OR52N2: variants seen among roughly 807,000 people sequenced by gnomAD.
OR52N2 encodes the protein olfactory receptor 52N2.
For synonymous variants in OR52N2, 129 were observed against 72.0 expected, an observed-to-expected ratio of 1.79 and a Z score of -4.01; for missense variants, 326 against 196.6, an observed-to-expected ratio of 1.66 and a Z score of -3.94.
At position 5,814,452 on chromosome 11, in the gene OR52N2, TA is replaced by T. The variant is rs1846386855; in HGVS notation, c.-55+5399del. 2.0e-5 allele frequency among the ~76,000 whole-genome samples: 3 copies of T among 152,140 alleles called. No homozygotes were observed. In the South Asian group the frequency reaches 6.2e-4, roughly 31 times the overall value. ...CAAAATACATAATAAAATTATATTT[TA>T]TTTTTAATTCCATTGTAAATTAAAT... On this transcript the variant is annotated intron_variant, in intron 1 of 1. Coordinates refer to ENST00000317037, the MANE Select transcript of OR52N2 (RefSeq NM_001005174.3).
chr11:5,812,122 A>T (rs1846366516), intron 1 of OR52N2, among the ~76,000 whole-genome samples: 1 of 152,078 alleles, frequency 6.6e-6, no homozygotes, highest in Non-Finnish European at 1.5e-5. Flanking sequence ...CAATAGGTAC[A>T]GCAAACCACC....
intron 1 of OR52N2, among the ~76,000 whole-genome samples, chr11:5,815,725 G>A (rs764995992): frequency 1.1e-4 from 17 of 152,030 alleles, no homozygotes; most frequent in African/African-American, 3.9e-4. Context: ...TCACTATTGC[G>A]TGAGATCCCC....
chr11:5,820,824 C>G lies in OR52N2; in HGVS notation c.489C>G (p.Leu163=), dbSNP rs770536648. 1.3e-6 allele frequency: 1 copy of G among 778,930 alleles called. No homozygotes were observed. Among genetic ancestry groups the G allele is most frequent in the Non-Finnish European group, 2.4e-6 (1 of 417,130 alleles). The allele number at this position is 778,930 out of a possible 1,614,324, so 48.3% of individuals were successfully genotyped here. A position where few individuals can be genotyped will look rare whatever the true frequency, so the allele number is the denominator to read the frequency against. The change falls in exon 2 of 2, where the codon CTC becomes CTG. Residue 163 remains leucine (L), a synonymous_variant. Coordinates refer to ENST00000317037, the MANE Select transcript of OR52N2 (RefSeq NM_001005174.3). ...TGATGCTCATCATCCCATTCACTCT[C>G]CTCACCAAGCGCCTGCCCTATTGCC... ...RNVMLIIPFT[L]LTKRLPYCRG... is the part of the protein sequence containing the mutation.
At chr11:5,817,311 G>T (rs1269880070) in intron 1 of OR52N2, among the ~76,000 whole-genome samples, 13 of 151,568 alleles carry the variant, frequency 8.6e-5, no homozygotes, top group Admixed American at 8.5e-4. Context: ...AGGAAGAAAG[G>T]TCAAAATATA....
At position 5,821,099 on chromosome 11, in the gene OR52N2, TTGC is replaced by T. The variant is rs1846449111; in HGVS notation, c.769_771del (p.Ala257del). The T allele has an allele frequency of 1.3e-6, 1 of 780,980 alleles. No individual in the cohort carries two copies. The highest frequency in any genetic ancestry group is 1.7e-5 in the African/African-American group (1 of 59,222). 48.4% of individuals were successfully genotyped at this position (780,980 alleles called of 1,614,324 possible). On this transcript the variant is annotated inframe_deletion, in exon 2 of 2. Transcript: ENST00000317037. ...ATGTGTTCCATTGTGATCACCTATG[TTGC>T]TGCTTTTTTCACTTTTTTCACTCAT...
At chr11:5,814,144 A>G (rs1437649661) in intron 1 of OR52N2, among the ~76,000 whole-genome samples, 1 of 152,156 alleles carries the variant, frequency 6.6e-6, no homozygotes, top group Non-Finnish European at 1.5e-5. Flanking sequence ...CATAGTACTG[A>G]AAGTCCTAGC....
chr11:5,820,856 A>C lies in OR52N2; in HGVS notation c.521A>C (p.Asn174Thr). 1 of 780,930 alleles carries C rather than the reference A, an allele frequency of 1.3e-6. No individual in the cohort carries two copies. Among genetic ancestry groups the C allele is most frequent in the South Asian group, 1.3e-5 (1 of 74,598 alleles). The allele number at this position is 780,930 out of a possible 1,614,324, so 48.4% of individuals were successfully genotyped here. A position where few individuals can be genotyped will look rare whatever the true frequency, so the allele number is the denominator to read the frequency against. ...LTKRLPYCRG[N>T]FIPHTYCDHM... is the part of the protein sequence containing the mutation. ...AAGCGCCTGCCCTATTGCCGGGGGA[A>C]CTTCATCCCCCACACCTACTGTGAC... is the stretch of plus-strand genomic sequence containing the variant. Residue 174 changes from asparagine to threonine, a missense_variant, in exon 2 of 2, where the codon AAC becomes ACC. Coordinates refer to ENST00000317037, the MANE Select transcript of OR52N2 (RefSeq NM_001005174.3).
chr11:5,809,400 T>C (rs1413211800), intron 1 of OR52N2, among the ~76,000 whole-genome samples: 1 of 151,902 alleles, frequency 6.6e-6, no homozygotes, highest in South Asian at 2.1e-4. Context: ...TCTTTCTAAA[T>C]ATGGAAGGGA....
At chr11:5,820,099 A>G (rs1019043748) in intron 1 of OR52N2, among the ~76,000 whole-genome samples, 183 bp from the exon 2 acceptor site, 3 of 152,204 alleles carry the variant, frequency 2.0e-5, no homozygotes, top group Non-Finnish European at 4.4e-5. Flanking sequence ...TGGCACATTG[A>G]GTAGTGGTAA....
intron 1 of OR52N2, among the ~76,000 whole-genome samples, chr11:5,812,622 C>G (rs1246505816): frequency 6.6e-6 from 1 of 151,232 alleles, no homozygotes; most frequent in Non-Finnish European, 1.5e-5. Context: ...TCTGTAATAT[C>G]ACAGCACCTA....
Position 5,821,231 on chromosome 11 carries a change from C to T in OR52N2, c.896C>T (p.Thr299Ile). ...TMNPIVYGVK[T>I]KQIQEGVIKF... ...AACCCAATTGTTTATGGAGTCAAGACCAAGCAGATTCAGGAAGGTGTAATT... is the reference window on the plus strand; with the variant it reads ...AACCCAATTGTTTATGGAGTCAAGATCAAGCAGATTCAGGAAGGTGTAATT... Residue 299 changes from threonine to isoleucine, a missense_variant, in exon 2 of 2, where the codon ACC becomes ATC. By Grantham distance (89) the Thr-to-Ile change is moderately conservative. Transcript: ENST00000317037. 1 of 780,876 alleles carries T rather than the reference C, an allele frequency of 1.3e-6. No individual in the cohort carries two copies. Among genetic ancestry groups the T allele is most frequent in the Non-Finnish European group, 2.4e-6 (1 of 418,090 alleles). The allele number at this position is 780,876 out of a possible 1,614,324, so 48.4% of individuals were successfully genotyped here. A position where few individuals can be genotyped will look rare whatever the true frequency, so the allele number is the denominator to read the frequency against.
Position 5,813,083 on chromosome 11 carries a change from T to C in OR52N2, c.-55+4029T>C, listed in dbSNP as rs368048588. ...TATGAAAGCAGTTCTACAAGGAAAG[T>C]TCATAGCAAGAAACACCTACATCAA... On this transcript the variant is annotated intron_variant, in intron 1 of 1. Coordinates refer to ENST00000317037, the MANE Select transcript of OR52N2 (RefSeq NM_001005174.3). 4.6e-5 allele frequency among the ~76,000 whole-genome samples: 7 copies of C among 151,728 alleles called. 1 individual carries two copies. The highest frequency in any genetic ancestry group is 1.7e-4 in the African/African-American group (7 of 41,418).
chr11:5,820,740 C>T lies in OR52N2; in HGVS notation c.405C>T (p.Ala135=), dbSNP rs951796615. The change falls in exon 2 of 2, where the codon GCC becomes GCT. Residue 135 remains alanine (A), a synonymous_variant. Transcript: ENST00000317037. ...YVAICYPLRY[A]TILTNPVIAK... is the part of the protein sequence containing the mutation. ...CCATCTGCTACCCCTTACGCTATGCCACCATCCTTACCAACCCTGTCATCG... is the reference window on the plus strand; with the variant it reads ...CCATCTGCTACCCCTTACGCTATGCTACCATCCTTACCAACCCTGTCATCG... 6 of 780,294 alleles carry T rather than the reference C, an allele frequency of 7.7e-6. No individual in the cohort carries two copies. Among genetic ancestry groups the T allele is most frequent in the East Asian group, 4.8e-5 (2 of 41,248 alleles). 48.3% of individuals were successfully genotyped at this position (780,294 alleles called of 1,614,324 possible). A position where few individuals can be genotyped will look rare whatever the true frequency, so the allele number is the denominator to read the frequency against.
intron 1 of OR52N2, among the ~76,000 whole-genome samples, chr11:5,810,026 G>A (rs575526214): frequency 8.8e-4 from 134 of 152,290 alleles, no homozygotes; most frequent in African/African-American, 3.2e-3. Flanking sequence ...ACTTCATTTA[G>A]AACAACATTC....
chr11:5,820,916 T>G lies in OR52N2; in HGVS notation c.581T>G (p.Phe194Cys). The change falls in exon 2 of 2, where the codon TTC becomes TGC. Residue 194 changes from phenylalanine (F) to cysteine (C), a missense_variant. Transcript: ENST00000317037. ...MSVAKVSCGNFKVNAIYGLMV... is the reference protein window; with the variant it reads ...MSVAKVSCGNCKVNAIYGLMV... ...GTGGCCAAGGTATCCTGTGGCAATTTCAAGGTCAATGCTATTTATGGTCTG... is the reference window on the plus strand; with the variant it reads ...GTGGCCAAGGTATCCTGTGGCAATTGCAAGGTCAATGCTATTTATGGTCTG... The G allele has an allele frequency of 1.3e-6, 1 of 781,094 alleles. No homozygotes were observed. Among genetic ancestry groups the G allele is most frequent in the Non-Finnish European group, 2.4e-6 (1 of 418,134 alleles). 48.4% of individuals were successfully genotyped at this position (781,094 alleles called of 1,614,324 possible).
chr11:5,810,962 G>A (rs1001740267), intron 1 of OR52N2, among the ~76,000 whole-genome samples: 3 of 151,778 alleles, frequency 2.0e-5, no homozygotes, highest in Admixed American at 6.6e-5. Context: ...TCTACTTGGA[G>A]ATAAAAATTT....
chr11:5,810,867 G>A (rs1846355848), intron 1 of OR52N2, among the ~76,000 whole-genome samples: 1 of 151,966 alleles, frequency 6.6e-6, no homozygotes, highest in African/African-American at 2.4e-5. Context: ...TATGATGTCA[G>A]GTAATTTCAT....
rs1846440434 is a variant in OR52N2 at position 5,820,591 on chromosome 11, A to G, written c.256A>G (p.Ile86Val). 1.3e-6 allele frequency: 1 copy of G among 781,670 alleles called. No individual in the cohort carries two copies. Among genetic ancestry groups the G allele is most frequent in the Non-Finnish European group, 2.4e-6 (1 of 418,790 alleles). The allele number at this position is 781,670 out of a possible 1,614,324, so 48.4% of individuals were successfully genotyped here. A position where few individuals can be genotyped will look rare whatever the true frequency, so the allele number is the denominator to read the frequency against. ...CTTMVPNMLC[I>V]FWFNLKEIDF... Reference sequence around the variant, plus strand: ...CACCATGGTACCTAATATGCTGTGCATATTCTGGTTCAACCTCAAGGAGAT... The same window carrying G: ...CACCATGGTACCTAATATGCTGTGCGTATTCTGGTTCAACCTCAAGGAGAT... The change falls in exon 2 of 2, where the codon ATA becomes GTA. Residue 86 changes from isoleucine to valine, a missense_variant. By Grantham distance (29) the Ile-to-Val change is conservative. Transcript: ENST00000317037.
chr11:5,814,177 GA>G (rs1241373754), intron 1 of OR52N2, among the ~76,000 whole-genome samples: 1 of 152,064 alleles, frequency 6.6e-6, no homozygotes, highest in Non-Finnish European at 1.5e-5. Context: ...GCAAGGACAA[GA>G]AATAAAAGGC....
Sources: gnomAD v4.1 joint callset for allele counts (sites outside exome capture counted in the v4.1 genomes callset) on GRCh38, gnomAD v4.1.1 for gene constraint, MANE v1.5 for transcripts, NCBI Gene and HGNC (gene_info 2026-07-23, HGNC 2026-07-21) for gene names.